Variants in ADAMTS18 observed in about 807,000 individuals in gnomAD.
ADAMTS18 encodes the protein A disintegrin and metalloproteinase with thrombospondin motifs 18.
Under a neutral mutation model 165.9 loss-of-function variants are expected in ADAMTS18, and 157 were observed. The observed-to-expected ratio is 0.95, with a 90% CI of 0.83 to 1.08. The LOEUF is 1.08. Ranked by LOEUF, ADAMTS18 falls within the 50% of genes least tolerant of loss-of-function variation. The probability of loss-of-function intolerance (pLI) is 0.00; values close to 1 mark genes in which losing one functional copy is unlikely to be tolerated. For missense variants in ADAMTS18, 2,040 were observed against 1,534.0 expected (o/e 1.33, Z -5.51); for synonymous variants, 782 against 578.2 (o/e 1.35, Z -5.06).
At chr16:77,395,862 G>C (rs1310243431) in intron 3 of ADAMTS18, among the ~76,000 whole-genome samples, 1 of 152,130 alleles carries the variant, frequency 6.6e-6, no homozygotes, top group Non-Finnish European at 1.5e-5. Context: ...TGGTGGATAT[G>C]AGTTAGATAT....
intron 12 of ADAMTS18, 128 bp downstream of exon 12, chr16:77,335,628 T>G: frequency 1.7e-6 from 2 of 1,164,090 alleles, no homozygotes; most frequent in Non-Finnish European, 2.5e-6. Flanking sequence ...CATAAATATG[T>G]ATAACCATTA....
chr16:77,288,199 A>T (rs542754268), intron 22 of ADAMTS18, among the ~76,000 whole-genome samples: 1 of 152,150 alleles, frequency 6.6e-6, no homozygotes, highest in African/African-American at 2.4e-5. Context: ...TCCAGGAGAT[A>T]CTGTTGGGCA....
rs770449093 is a variant in ADAMTS18 at position 77,359,471 on chromosome 16, G to C, written c.1217-48C>G. 4.8e-6 allele frequency: 7 copies of C among 1,451,506 alleles called. No homozygotes were observed. In the Admixed American group the frequency reaches 7.2e-5, roughly 15 times the overall value. The allele number at this position is 1,451,506 out of a possible 1,614,324, so 89.9% of individuals were successfully genotyped here. ...TGTGAATCCAAAGGTTGCACACACA[G>C]ATACATGATGATGATTTATGTCCTC... On this transcript the variant is annotated intron_variant, in intron 7 of 22. Coordinates refer to ENST00000282849, the MANE Select transcript of ADAMTS18 (RefSeq NM_199355.4).
At chr16:77,430,349 T>G (rs960695930) in intron 3 of ADAMTS18, among the ~76,000 whole-genome samples, 1 of 152,096 alleles carries the variant, frequency 6.6e-6, no homozygotes, top group African/African-American at 2.4e-5. Flanking sequence ...GGGAAAAAAT[T>G]AAAAAGTAAC....
chr16:77,411,978 G>A (rs886707996), intron 3 of ADAMTS18, among the ~76,000 whole-genome samples: 7 of 152,010 alleles, frequency 4.6e-5, no homozygotes, highest in Non-Finnish European at 8.8e-5. Flanking sequence ...AGGAGCCACC[G>A]AGCCCAGCCA....
rs1159982672 is a variant in ADAMTS18, at chr16:77,362,101, A to T, written c.1216+4T>A. The T allele has an allele frequency of 6.2e-7, 1 of 1,613,934 alleles. No homozygotes were observed. The highest frequency in any genetic ancestry group is 1.3e-5 in the African/African-American group (1 of 74,944). The stretch of plus-strand genomic sequence containing the variant: ...TGTGTGTGAAGGATCTGTTCATACC[A>T]TACCTAGAGTGTCACATGGTTCATT... On this transcript the variant is annotated splice_donor_region_variant and intron_variant, in intron 7 of 22. Transcript: ENST00000282849.
At chr16:77,400,131 T>C (rs1004343939) in intron 3 of ADAMTS18, among the ~76,000 whole-genome samples, 1 of 152,120 alleles carries the variant, frequency 6.6e-6, no homozygotes, top group Non-Finnish European at 1.5e-5. Context: ...ACCCCCCAAT[T>C]TGGGGTCTCA....
chr16:77,302,357 A>C (rs1196394866), intron 16 of ADAMTS18, among the ~76,000 whole-genome samples: 1 of 152,190 alleles, frequency 6.6e-6, no homozygotes, highest in East Asian at 1.9e-4. Context: ...TTATGCAACA[A>C]AAATGCAGAG....
chr16:77,300,259 C>T lies in ADAMTS18; in HGVS notation c.2674+4G>A. Reference sequence around the variant, plus strand: ...TTTGGAGACAGAATGAGAAAATCATCTACCTCCACCACAGGAGACGGAGCA... The same window carrying T: ...TTTGGAGACAGAATGAGAAAATCATTTACCTCCACCACAGGAGACGGAGCA... On this transcript the variant is annotated splice_donor_region_variant and intron_variant, in intron 17 of 22. Transcript: ENST00000282849. 1 of 1,614,022 alleles carries T rather than the reference C, an allele frequency of 6.2e-7. No homozygotes were observed.
intron 11 of ADAMTS18, among the ~76,000 whole-genome samples, chr16:77,339,998 C>G (rs181479940): frequency 6.6e-6 from 1 of 152,276 alleles, no homozygotes; most frequent in Admixed American, 6.5e-5. Context: ...AACCCAACAA[C>G]CATCTTGATG....
Position 77,378,347 on chromosome 16 carries a change from AAAC to A in ADAMTS18, c.496-10627_496-10625del, listed in dbSNP as rs1361705124. 1.8e-4 allele frequency among the ~76,000 whole-genome samples: 10 copies of A among 56,988 alleles called. No homozygotes were observed. In the East Asian group the frequency reaches 3.0e-3, roughly 17 times the overall value. The allele number at this position is 56,988 out of a possible 152,430, so 37.4% of individuals were successfully genotyped here. On this transcript the variant is annotated intron_variant, in intron 3 of 22. Transcript: ENST00000282849. ...CAAAAACAAAAACAAAAACAAAAAA[AAAC>A]AAAAAAAAAAAAAACCAAGCCCTTT...
intron 3 of ADAMTS18, among the ~76,000 whole-genome samples, chr16:77,426,174 T>G (rs1338778829): frequency 6.6e-6 from 1 of 152,210 alleles, no homozygotes. Flanking sequence ...GATGTTTGTT[T>G]AGCTTCCTTT....
At chr16:77,390,616 G>A (rs2057172922) in intron 3 of ADAMTS18, among the ~76,000 whole-genome samples, 2 of 151,826 alleles carry the variant, frequency 1.3e-5, no homozygotes, top group South Asian at 4.2e-4. Flanking sequence ...CCTGAACCCG[G>A]CAGACGGAGG....
At chr16:77,367,904 T>C (rs2056822516) in intron 3 of ADAMTS18, among the ~76,000 whole-genome samples, 181 bp from the exon 4 acceptor site, 1 of 152,100 alleles carries the variant, frequency 6.6e-6, no homozygotes, top group Admixed American at 6.6e-5. Context: ...TTGAGACAGG[T>C]CTCACTTTAA....
intron 16 of ADAMTS18, among the ~76,000 whole-genome samples, chr16:77,305,412 A>G (rs1216070761): frequency 6.6e-6 from 1 of 152,170 alleles, no homozygotes; most frequent in African/African-American, 2.4e-5. Context: ...ACTGCTACAT[A>G]ATTTCTAAAG....
In ADAMTS18 at chr16:77,319,843, G is replaced by C; in HGVS notation, c.2532+6C>G. ...ACTGAGAACTGAATACACAGAAGGG[G>C]CTTACTTCAAAGACCAGCGTCTCAT... On this transcript the variant is annotated splice_donor_region_variant and intron_variant, in intron 16 of 22. Coordinates refer to ENST00000282849, the MANE Select transcript of ADAMTS18 (RefSeq NM_199355.4). 6.2e-7 allele frequency: 1 copy of C among 1,614,086 alleles called. No homozygotes were observed. The highest frequency in any genetic ancestry group is 8.5e-7 in the Non-Finnish European group (1 of 1,179,994).
intron 3 of ADAMTS18, among the ~76,000 whole-genome samples, chr16:77,408,304 A>C (rs554443762): frequency 6.6e-6 from 1 of 152,308 alleles, no homozygotes; most frequent in African/African-American, 2.4e-5. Flanking sequence ...TTTCTACCGA[A>C]GCTGAATTTG....
At chr16:77,372,684 C>T (rs1027419718) in intron 3 of ADAMTS18, among the ~76,000 whole-genome samples, 1 of 152,178 alleles carries the variant, frequency 6.6e-6, no homozygotes, top group African/African-American at 2.4e-5. Flanking sequence ...TAAGTAAAAT[C>T]TCAGATTTCA....
rs140742022 is a variant in ADAMTS18 at position 77,325,895 on chromosome 16, T to G, written c.2003A>C (p.Tyr668Ser). The change falls in exon 13 of 23, where the codon TAC becomes TCC. Residue 668 changes from tyrosine to serine, a missense_variant. Transcript: ENST00000282849. Reference sequence around the variant, plus strand: ...CACTTTTGTATAGGGTTTCCACTGGTAGAACCATCCACGGAAAGGTTTGCT... The same window carrying G: ...CACTTTTGTATAGGGTTTCCACTGGGAGAACCATCCACGGAAAGGTTTGCT... ...YNSKPFRGWF[Y>S]QWKPYTKVEE... is the part of the protein sequence containing the mutation. 1 of 1,614,034 alleles carries G rather than the reference T, an allele frequency of 6.2e-7. No individual in the cohort carries two copies. Among genetic ancestry groups the G allele is most frequent in the Non-Finnish European group, 8.5e-7 (1 of 1,179,974 alleles).
Sources: gnomAD v4.1 joint callset for allele counts (sites outside exome capture counted in the v4.1 genomes callset) on GRCh38, gnomAD v4.1.1 for gene constraint, MANE v1.5 for transcripts, NCBI Gene and HGNC (gene_info 2026-07-23, HGNC 2026-07-21) for gene names.